Variants in PDE4DIP observed in about 807,000 individuals in gnomAD.
PDE4DIP encodes the protein phosphodiesterase 4D interacting protein.
Under a neutral mutation model 221.4 loss-of-function variants are expected in PDE4DIP, and 59 were observed. The observed-to-expected ratio is 0.27, with a 90% CI of 0.22 to 0.33. PDE4DIP has a LOEUF of 0.33. Among genes scored for constraint, PDE4DIP ranks in the 10% least tolerant of loss-of-function variants. The probability of loss-of-function intolerance (pLI) is 1.00; values close to 1 mark genes in which losing one functional copy is unlikely to be tolerated. For synonymous variants in PDE4DIP, 404 were observed against 815.9 expected (o/e 0.50, Z 8.60); for missense variants, 1,036 against 2,154.2 (o/e 0.48, Z 10.28).
chr1:149,028,776 G>A (rs782021167), intron 41 of PDE4DIP, 73 bp downstream of exon 44: 2 of 827,454 alleles, frequency 2.4e-6, no homozygotes, highest in East Asian at 3.1e-5. Context: ...TCTCCTCAAT[G>A]TCACAGCTTT....
intron 3 of PDE4DIP, among the ~76,000 whole-genome samples, chr1:148,881,740 A>T (rs1693783020): frequency 6.9e-6 from 1 of 144,718 alleles, no homozygotes; most frequent in South Asian, 2.1e-4. Context: ...AGGGTCATAC[A>T]GTCTCATGAT....
In PDE4DIP at chr1:148,827,592, C is replaced by T. The variant is rs1313863528; in HGVS notation, c.233+18855C>T. On this transcript the variant is annotated intron_variant, in intron 1 of 45. Transcript: ENST00000524974. The stretch of plus-strand genomic sequence containing the variant: ...TCTTTTACATAATACAGTTATGCAA[C>T]GATTTTAAATATTCTTAGGAGATAC... Among the ~76,000 whole-genome samples, 8 of 91,854 alleles carry T rather than the reference C, an allele frequency of 8.7e-5. 1 individual carries two copies. The highest frequency in any genetic ancestry group is 1.5e-4 in the Non-Finnish European group (6 of 40,536). The allele number at this position is 91,854 out of a possible 152,430, so 60.3% of individuals were successfully genotyped here. A position where few individuals can be genotyped will look rare whatever the true frequency, so the allele number is the denominator to read the frequency against.
rs1319608009 is a variant in PDE4DIP at position 148,949,001 on chromosome 1, T to C, written c.636+11137T>C. ...AATGGAATCACACAGGATGTACTCA[T>C]TTGCATATGGCTTGTTTCACTTAAA... is the stretch of plus-strand genomic sequence containing the variant. On this transcript the variant is annotated intron_variant, in intron 5 of 43. Coordinates refer to ENST00000369354, the Ensembl canonical transcript of PDE4DIP. Among the ~76,000 whole-genome samples the C allele has an allele frequency of 1.3e-5, 2 of 152,202 alleles. 1 individual carries two copies. Among genetic ancestry groups the C allele is most frequent in the African/African-American group, 4.8e-5 (2 of 41,458 alleles).
chr1:149,000,562 A>AAAAT (rs587634133), intron 23 of PDE4DIP, among the ~76,000 whole-genome samples: 1 of 151,038 alleles, frequency 6.6e-6, no homozygotes, highest in East Asian at 2.0e-4. Flanking sequence ...TCAAAAAAAA[A>AAAAT]AAATAAATAA....
At chr1:149,032,553 G>T in exon 44 of PDE4DIP, 1 of 265,870 alleles carries the variant, frequency 3.8e-6, no homozygotes, top group Admixed American at 4.7e-5. Flanking sequence ...GGTCTGCACT[G>T]TAGCACCTGT....
rs587633918 is a variant in PDE4DIP at position 149,010,430 on chromosome 1, A to C, written c.4928-13A>C. On this transcript the variant is annotated splice_polypyrimidine_tract_variant and intron_variant, in intron 30 of 43. Transcript: ENST00000369354. Reference sequence around the variant, plus strand: ...GAACATCATACGTTTTCTTTCATTCATGGATTTTATAGATTCCATCCATCA... The same window carrying C: ...GAACATCATACGTTTTCTTTCATTCCTGGATTTTATAGATTCCATCCATCA... 1 of 1,613,164 alleles carries C rather than the reference A, an allele frequency of 6.2e-7. No homozygotes were observed. Among genetic ancestry groups the C allele is most frequent in the South Asian group, 1.1e-5 (1 of 91,014 alleles).
intron 22 of PDE4DIP, among the ~76,000 whole-genome samples, chr1:148,996,541 G>A (rs1553564698): frequency 6.6e-6 from 1 of 152,092 alleles, no homozygotes; most frequent in African/African-American, 2.4e-5. Flanking sequence ...TTGGGTGCCT[G>A]GGACTTGAGT....
chr1:148,985,687 T>C (rs1553548825), intron 21 of PDE4DIP: 1 of 152,242 alleles, frequency 6.6e-6, no homozygotes, highest in Non-Finnish European at 1.5e-5. Context: ...TAAAGTGATA[T>C]ACTGATTATT....
exon 21 of PDE4DIP, chr1:148,981,396 A>T (rs1553542990): frequency 6.2e-7 from 1 of 1,613,944 alleles, no homozygotes; most frequent in Non-Finnish European, 8.5e-7. Context: ...CCGCCATTGG[A>T]GGTGGGGAAC....
intron 5 of PDE4DIP, among the ~76,000 whole-genome samples, chr1:148,940,707 G>C (rs2050331758): frequency 1.3e-5 from 2 of 150,542 alleles, no homozygotes; most frequent in Non-Finnish European, 1.5e-5. Flanking sequence ...GCTGATAGTT[G>C]GTCCTCTCAA....
chr1:148,930,446 G>A (rs1318432868), intron 2 of PDE4DIP: 1 of 150,986 alleles, frequency 6.6e-6, no homozygotes, highest in Non-Finnish European at 1.5e-5. Flanking sequence ...GAACCCGGGA[G>A]GCGGAGCTTG....
intron 23 of PDE4DIP, among the ~76,000 whole-genome samples, chr1:149,000,239 G>T (rs587614383): frequency 1.2e-4 from 19 of 152,278 alleles, no homozygotes; most frequent in African/African-American, 4.3e-4. Context: ...TAGCTCAGGG[G>T]TTCTCAGTTT....
chr1:148,996,307 G>A (rs1388927961), intron 22 of PDE4DIP, among the ~76,000 whole-genome samples: 14 of 152,128 alleles, frequency 9.2e-5, no homozygotes, highest in South Asian at 2.1e-4. Context: ...TAAGTTACTC[G>A]GAAAGAGTTT....
intron 23 of PDE4DIP, chr1:148,999,273 C>T (rs1188111692): frequency 6.6e-6 from 1 of 151,296 alleles, no homozygotes; most frequent in East Asian, 1.9e-4. Context: ...TCATTCACTC[C>T]CAGGACTATA....
chr1:148,919,776 A>G (rs2045066974), intron 1 of PDE4DIP, among the ~76,000 whole-genome samples: 1 of 150,444 alleles, frequency 6.6e-6, no homozygotes, highest in Non-Finnish European at 1.5e-5. Context: ...AGATTTTGAA[A>G]CTCTTCCTCC....
Position 148,846,444 on chromosome 1 carries a change from CAAAAAAAAAAA to C in PDE4DIP, c.234-16786_234-16776del, listed in dbSNP as rs143812422. 8.5e-4 allele frequency among the ~76,000 whole-genome samples: 3 copies of C among 3,534 alleles called. 1 individual carries two copies. The South Asian group carries it at 0.043, about 50-fold the overall frequency. 2.3% of individuals were successfully genotyped at this position (3,534 alleles called of 152,430 possible). A position where few individuals can be genotyped will look rare whatever the true frequency, so the allele number is the denominator to read the frequency against. On this transcript the variant is annotated intron_variant, in intron 1 of 45. Transcript: ENST00000524974. ...GGGCAACAAAAGCGAAACTCCGCCT[CAAAAAAAAAAA>C]AAAAAAAAAAAAAAAAAAAGACCAG...
At chr1:148,994,735 A>G (rs1317286950) in intron 22 of PDE4DIP, among the ~76,000 whole-genome samples, 1 of 151,648 alleles carries the variant, frequency 6.6e-6, no homozygotes, top group South Asian at 2.1e-4. Context: ...TCACCCTGCT[A>G]TGCAATATAT....
At chr1:148,887,238 C>T (rs1177027226), upstream of PDE4DIP, among the ~76,000 whole-genome samples, 722 of 138,612 alleles carry the variant, frequency 5.2e-3, no homozygotes, top group African/African-American at 0.018. Flanking sequence ...TAAACTCTGG[C>T]AGCCTGGCTC....
intron 22 of PDE4DIP, among the ~76,000 whole-genome samples, chr1:148,997,198 T>C: frequency 1.3e-5 from 2 of 151,026 alleles, no homozygotes; most frequent in Middle Eastern, 3.4e-3. Context: ...GCTAAGTAGA[T>C]TATCATACTC....
Sources: gnomAD v4.1 joint callset for allele counts (sites outside exome capture counted in the v4.1 genomes callset) on GRCh38, gnomAD v4.1.1 for gene constraint, MANE v1.5 for transcripts, NCBI Gene and HGNC (gene_info 2026-07-23, HGNC 2026-07-21) for gene names.